The following OXR1 variants were observed in gnomAD, a reference collection of about 807,000 sequenced individuals.
OXR1 encodes the protein oxidation resistance 1.
OXR1 carries 41 observed loss-of-function variants against 104.6 expected under a neutral mutation model. The observed-to-expected ratio is 0.39, with a 90% confidence interval of 0.31 to 0.51. OXR1 has a LOEUF of 0.51. Among genes scored for constraint, OXR1 ranks in the 20% least tolerant of loss-of-function variants. OXR1 has a pLI of 0.77. For missense variants in OXR1, 955 were observed against 1,031.9 expected (o/e 0.93, Z 1.02); for synonymous variants, 348 against 348.4 (o/e 1.00, Z 0.01).
chr8:106,287,941 G>T lies in OXR1; in HGVS notation c.-139+17574G>T, dbSNP rs1254963436. On this transcript the variant is annotated intron_variant, in intron 1 of 16. Coordinates refer to ENST00000517566, the MANE Select transcript of OXR1 (RefSeq NM_001198533.2). ...TTCCAGCCAGATGGAACATTTCATA[G>T]TCTCACATGGGAAGTGGCTGGAATC... Among the ~76,000 whole-genome samples, 3 of 152,194 alleles carry T rather than the reference G, an allele frequency of 2.0e-5. No individual in the cohort carries two copies. In the South Asian group the frequency reaches 6.2e-4, roughly 31 times the overall value.
intron 3 of OXR1, among the ~76,000 whole-genome samples, chr8:106,667,650 A>G (rs1029009172): frequency 1.3e-5 from 2 of 152,230 alleles, no homozygotes; most frequent in Non-Finnish European, 2.9e-5. Flanking sequence ...ATTAAGAGCC[A>G]TTAATATTGT....
chr8:106,361,834 T>C (rs1207337041), intron 2 of OXR1, among the ~76,000 whole-genome samples: 5 of 152,156 alleles, frequency 3.3e-5, no homozygotes, highest in African/African-American at 1.2e-4. Flanking sequence ...GTTGAAAGAT[T>C]ACTAATTTAA....
At chr8:106,720,766 T>C (rs1832757550) in intron 11 of OXR1, 1 of 882,448 alleles carries the variant, frequency 1.1e-6, no homozygotes, top group Non-Finnish European at 1.4e-6. Context: ...TCTTTGAACT[T>C]TGTCTTCTTC....
At chr8:106,502,148 G>A (rs1485584546) in intron 2 of OXR1, among the ~76,000 whole-genome samples, 1 of 152,190 alleles carries the variant, frequency 6.6e-6, no homozygotes, top group Non-Finnish European at 1.5e-5. Flanking sequence ...GGCAGCAATA[G>A]CTTCATAAAT....
At chr8:106,396,891 A>T (rs1445976787) in intron 2 of OXR1, among the ~76,000 whole-genome samples, 1 of 152,242 alleles carries the variant, frequency 6.6e-6, no homozygotes, top group African/African-American at 2.4e-5. Context: ...TAAATCTAAA[A>T]TTATTTAAAA....
intron 3 of OXR1, among the ~76,000 whole-genome samples, chr8:106,537,031 A>G (rs2130291708): frequency 6.6e-6 from 1 of 152,262 alleles, no homozygotes; most frequent in South Asian, 2.1e-4. Context: ...GGAAAGTCCA[A>G]AAATAGATGC....
chr8:106,315,098 G>A (rs1813874554), intron 1 of OXR1, among the ~76,000 whole-genome samples: 1 of 151,662 alleles, frequency 6.6e-6, no homozygotes, highest in African/African-American at 2.4e-5. Context: ...TAGTAGAAAG[G>A]GTCCTAGGCT....
chr8:106,581,333 C>T lies in OXR1; in HGVS notation c.220+62194C>T, dbSNP rs191326443. On this transcript the variant is annotated intron_variant, in intron 3 of 16. Coordinates refer to ENST00000517566, the MANE Select transcript of OXR1 (RefSeq NM_001198533.2). ...AATGTCAACCACTTGTTGAGGCAAG[C>T]GGAGTCTTGCTACTGGAATGTATAA... The T allele has an allele frequency of 6.6e-4, 519 of 787,446 alleles. 1 individual carries two copies. Among genetic ancestry groups the T allele is most frequent in the African/African-American group, 5.0e-3 (280 of 55,852 alleles). The allele number at this position is 787,446 out of a possible 1,614,324, so 48.8% of individuals were successfully genotyped here.
intron 3 of OXR1, among the ~76,000 whole-genome samples, chr8:106,645,503 TGTC>T (rs1300370661): frequency 6.6e-6 from 1 of 152,194 alleles, no homozygotes; most frequent in Non-Finnish European, 1.5e-5. Flanking sequence ...TATATTGCTG[TGTC>T]TACTGTTCTC....
intron 3 of OXR1, among the ~76,000 whole-genome samples, chr8:106,551,648 C>T (rs982041228): frequency 2.6e-5 from 4 of 151,630 alleles, no homozygotes; most frequent in African/African-American, 9.7e-5. Context: ...GAAGATTTGA[C>T]TTAGAAGGAG....
intron 7 of OXR1, chr8:106,697,861 T>A: frequency 6.2e-7 from 1 of 1,612,356 alleles, no homozygotes; most frequent in Non-Finnish European, 8.5e-7. Context: ...GTTCTGGAAG[T>A]TCTCGCGTCC....
chr8:106,549,892 C>A (rs1036692114), intron 3 of OXR1, among the ~76,000 whole-genome samples: 1 of 152,280 alleles, frequency 6.6e-6, no homozygotes, highest in East Asian at 1.9e-4. Flanking sequence ...CACAAACAAT[C>A]CTATTTTATC....
chr8:106,463,011 G>A (rs939891355), intron 2 of OXR1, among the ~76,000 whole-genome samples: 4 of 151,996 alleles, frequency 2.6e-5, no homozygotes, highest in Non-Finnish European at 5.9e-5. Context: ...AGAGATCTGA[G>A]GTTCAGAGGG....
chr8:106,651,255 C>T (rs890963964), intron 3 of OXR1, among the ~76,000 whole-genome samples: 1 of 152,130 alleles, frequency 6.6e-6, no homozygotes, highest in Admixed American at 6.5e-5. Context: ...TATTTATTGG[C>T]AGATATTTGC....
chr8:106,602,043 C>G (rs559510849), intron 3 of OXR1, among the ~76,000 whole-genome samples: 2 of 152,132 alleles, frequency 1.3e-5, no homozygotes, highest in East Asian at 3.9e-4. Context: ...CTCCTACAAC[C>G]GAAAGGAAAT....
rs374721125 is a variant in OXR1, at chr8:106,359,360, A to C, written c.-138-116A>C. 9 of 404,810 alleles carry C rather than the reference A, an allele frequency of 2.2e-5. No homozygotes were observed. The East Asian group carries it at 2.6e-4, about 12-fold the overall frequency. 25.1% of individuals were successfully genotyped at this position (404,810 alleles called of 1,614,324 possible). A position where few individuals can be genotyped will look rare whatever the true frequency, so the allele number is the denominator to read the frequency against. On this transcript the variant is annotated intron_variant, in intron 1 of 16. Transcript: ENST00000517566. ...TGTCTTATATTTTAAGAAAAAGATC[A>C]TATTTTTTGTGTGTATCTTATACCA...
chr8:106,497,108 C>T (rs1563561875), intron 2 of OXR1, among the ~76,000 whole-genome samples: 1 of 152,302 alleles, frequency 6.6e-6, no homozygotes, highest in South Asian at 2.1e-4. Flanking sequence ...ATATTTCTGA[C>T]ACACTTCAAC....
At chr8:106,505,966 C>A (rs563921880) in intron 2 of OXR1, among the ~76,000 whole-genome samples, 1 of 152,268 alleles carries the variant, frequency 6.6e-6, no homozygotes, top group Admixed American at 6.5e-5. Flanking sequence ...CCAGAGAGAG[C>A]AGCATGGAGG....
intron 3 of OXR1, among the ~76,000 whole-genome samples, chr8:106,651,425 T>A (rs2131013167): frequency 6.6e-6 from 1 of 152,300 alleles, no homozygotes; most frequent in Middle Eastern, 3.4e-3. Context: ...TATTCTGAGT[T>A]CATTTCTGTC....
Sources: gnomAD v4.1 joint callset for allele counts (sites outside exome capture counted in the v4.1 genomes callset) on GRCh38, gnomAD v4.1.1 for gene constraint, MANE v1.5 for transcripts, NCBI Gene and HGNC (gene_info 2026-07-23, HGNC 2026-07-21) for gene names.